ARHGEF3: variants seen among roughly 807,000 people sequenced by gnomAD.
The protein encoded by ARHGEF3 is Rho guanine nucleotide exchange factor 3, also known as 59.8 kDA protein.
In ARHGEF3, 28 loss-of-function variants were observed where a neutral mutation model predicts 63.2. That is an observed-to-expected ratio of 0.44 (90% CI 0.33 to 0.61). ARHGEF3 has a LOEUF of 0.61. Among genes scored for constraint, ARHGEF3 ranks in the 20% least tolerant of loss-of-function variants. The pLI is 0.03. For missense variants in ARHGEF3, 533 were observed against 659.3 expected (o/e 0.81, Z 2.10); for synonymous variants, 266 against 254.2 (o/e 1.05, Z -0.44).
At chr3:57,001,753 G>T (rs147697182) in intron 2 of ARHGEF3, among the ~76,000 whole-genome samples, 1 of 152,242 alleles carries the variant, frequency 6.6e-6, no homozygotes, top group East Asian at 1.9e-4. Flanking sequence ...TGAAAAGAAG[G>T]CTTGAACTGT....
chr3:56,967,870 A>ATATT (rs1560092874), intron 2 of ARHGEF3, among the ~76,000 whole-genome samples: 1 of 69,374 alleles, frequency 1.4e-5, no homozygotes, highest in East Asian at 5.1e-4. Context: ...TGACATATAT[A>ATATT]ATATATAATA....
chr3:56,980,541 G>A (rs1016740534), intron 2 of ARHGEF3, among the ~76,000 whole-genome samples: 3 of 152,184 alleles, frequency 2.0e-5, no homozygotes, highest in Non-Finnish European at 4.4e-5. Context: ...GAATAATCAC[G>A]TTATCTACCT....
intron 2 of ARHGEF3, among the ~76,000 whole-genome samples, chr3:56,756,618 C>G (rs1182000247): frequency 2.1e-5 from 3 of 143,720 alleles, no homozygotes; most frequent in Non-Finnish European, 4.5e-5. Flanking sequence ...GGTGCGATCT[C>G]GGCTCACTGC....
At chr3:56,809,706 T>A (rs1029250843) in intron 4 of ARHGEF3, among the ~76,000 whole-genome samples, 2 of 151,828 alleles carry the variant, frequency 1.3e-5, no homozygotes, top group Admixed American at 6.6e-5. Flanking sequence ...ATATGTTATA[T>A]TTAATTTTTA....
At chr3:56,865,743 C>T (rs1490330361) in intron 4 of ARHGEF3, among the ~76,000 whole-genome samples, 1 of 152,040 alleles carries the variant, frequency 6.6e-6, no homozygotes, top group East Asian at 1.9e-4. Context: ...GGAGGTGGGG[C>T]TCTTGGGAAG....
intron 3 of ARHGEF3, 82 bp from the exon 4 acceptor site, chr3:56,753,648 A>T: frequency 8.3e-7 from 1 of 1,199,990 alleles, no homozygotes; most frequent in Non-Finnish European, 1.2e-6. Flanking sequence ...TCCACCACTC[A>T]AAACCCCAAA....
chr3:56,840,517 G>A (rs2039276273), intron 4 of ARHGEF3, among the ~76,000 whole-genome samples: 2 of 152,188 alleles, frequency 1.3e-5, no homozygotes, highest in South Asian at 4.1e-4. Flanking sequence ...ACAGTTCATT[G>A]TTTACAGACC....
intron 1 of ARHGEF3, among the ~76,000 whole-genome samples, chr3:56,790,956 C>T (rs1432206165): frequency 6.6e-6 from 1 of 151,932 alleles, no homozygotes; most frequent in Non-Finnish European, 1.5e-5. Flanking sequence ...CTGACATAGG[C>T]TGTCAGCTTT....
chr3:56,867,461 TTA>T (rs745636144), intron 4 of ARHGEF3, among the ~76,000 whole-genome samples: 1 of 45,132 alleles, frequency 2.2e-5, no homozygotes, highest in Admixed American at 2.2e-4. Flanking sequence ...AAAATGCTAT[TTA>T]TTTATTTATT....
intron 1 of ARHGEF3, among the ~76,000 whole-genome samples, chr3:57,077,688 C>T (rs1239098338): frequency 6.6e-6 from 1 of 152,076 alleles, no homozygotes; most frequent in Non-Finnish European, 1.5e-5. Context: ...TGTCAGGAGA[C>T]CCAAGGCTTA....
At chr3:56,824,343 A>G (rs1288669817) in intron 4 of ARHGEF3, among the ~76,000 whole-genome samples, 2 of 152,252 alleles carry the variant, frequency 1.3e-5, no homozygotes, top group Non-Finnish European at 2.9e-5. Flanking sequence ...CAATAGTAAT[A>G]GTAATCATAA....
intron 4 of ARHGEF3, among the ~76,000 whole-genome samples, chr3:56,842,154 C>A (rs6445827): frequency 0.96 from 146,814 of 152,312 alleles, 70,940 homozygotes; most frequent in East Asian, 1. Flanking sequence ...TCCTCCCCAA[C>A]GCCCAGGCTA....
At chr3:57,069,939 C>T (rs1330285403) in intron 1 of ARHGEF3, among the ~76,000 whole-genome samples, 1 of 152,256 alleles carries the variant, frequency 6.6e-6, no homozygotes, top group East Asian at 1.9e-4. Context: ...GCCACTGCGC[C>T]TGGCCTAAAC....
At chr3:56,898,445 G>C (rs142523188) in intron 3 of ARHGEF3, 1 of 154,802 alleles carries the variant, frequency 6.5e-6, no homozygotes, top group Non-Finnish European at 1.5e-5. Context: ...CTGACCTCAG[G>C]TGATCCACTC....
chr3:56,865,107 C>G (rs1397026630), intron 4 of ARHGEF3, among the ~76,000 whole-genome samples: 1 of 152,168 alleles, frequency 6.6e-6, no homozygotes, highest in Non-Finnish European at 1.5e-5. Flanking sequence ...TGGTTCATTT[C>G]TCATTTCAGA....
intron 7 of ARHGEF3, among the ~76,000 whole-genome samples, chr3:56,740,756 G>C (rs1235474251): frequency 6.6e-6 from 1 of 152,146 alleles, no homozygotes; most frequent in Non-Finnish European, 1.5e-5. Context: ...AGCATTAGTG[G>C]CTGTGACTTC....
At chr3:56,963,180 T>C (rs1173612225) in intron 2 of ARHGEF3, among the ~76,000 whole-genome samples, 1 of 151,974 alleles carries the variant, frequency 6.6e-6, no homozygotes, top group Non-Finnish European at 1.5e-5. Flanking sequence ...TAATCCCTTT[T>C]CACAAAATTG....
intron 1 of ARHGEF3, among the ~76,000 whole-genome samples, chr3:56,776,600 T>C (rs2036296714): frequency 6.6e-6 from 1 of 152,216 alleles, no homozygotes; most frequent in Non-Finnish European, 1.5e-5. Context: ...TCATTAGATT[T>C]TTCTTTTCCA....
chr3:57,062,679 G>A lies in ARHGEF3; in HGVS notation c.-28+16547C>T, dbSNP rs967896936. On this transcript the variant is annotated intron_variant, in intron 1 of 12. Transcript: ENST00000338458. ...ATATCTGGTGGGAATGACAGGACTC[G>A]CTGTTTCTCTGTCTACACACATGCA... Among the ~76,000 whole-genome samples, 5 of 151,990 alleles carry A rather than the reference G, an allele frequency of 3.3e-5. No individual in the cohort carries two copies. The South Asian group carries it at 1.0e-3, about 32-fold the overall frequency.
Sources: gnomAD v4.1 joint callset for allele counts (sites outside exome capture counted in the v4.1 genomes callset) on GRCh38, gnomAD v4.1.1 for gene constraint, MANE v1.5 for transcripts, NCBI Gene and HGNC (gene_info 2026-07-23, HGNC 2026-07-21) for gene names.